The following PCDH15 variants were observed in gnomAD, a reference collection of about 807,000 sequenced individuals.
The protein encoded by PCDH15 is protocadherin related 15, also known as protocadherin-15.
Under a neutral mutation model 178.5 loss-of-function variants are expected in PCDH15, and 129 were observed. The ratio of observed to expected loss-of-function variants is 0.72; its 90% confidence interval spans 0.63 to 0.84. The LOEUF (loss-of-function observed/expected upper bound fraction) is 0.84. Ranked by LOEUF, PCDH15 falls within the 40% of genes least tolerant of loss-of-function variation. The probability of loss-of-function intolerance (pLI) is 0.00; values close to 1 mark genes in which losing one functional copy is unlikely to be tolerated. For synonymous variants in PCDH15, 800 were observed against 732.0 expected (o/e 1.09, Z -1.50); for missense variants, 2,230 against 2,099.9 (o/e 1.06, Z -1.21).
chr10:55,191,726 C>T (rs1455378996), intron 1 of PCDH15, among the ~76,000 whole-genome samples: 2 of 151,814 alleles, frequency 1.3e-5, no homozygotes, highest in Non-Finnish European at 2.9e-5. Flanking sequence ...ACTTGAAACC[C>T]CAGCAAACCC....
chr10:55,064,585 CT>C (rs146259553), intron 2 of PCDH15, among the ~76,000 whole-genome samples: 26 of 151,406 alleles, frequency 1.7e-4, no homozygotes, highest in East Asian at 1.6e-3. Flanking sequence ...TAAAATATAA[CT>C]TTTTTTTTCA....
chr10:55,392,402 A>C (rs1360548779), intron 2 of PCDH15, among the ~76,000 whole-genome samples: 1 of 152,146 alleles, frequency 6.6e-6, no homozygotes, highest in East Asian at 1.9e-4. Context: ...TGTCACAATT[A>C]TTTTTAACTA....
chr10:54,498,509 A>G (rs1259167715), intron 3 of PCDH15, among the ~76,000 whole-genome samples: 1 of 152,158 alleles, frequency 6.6e-6, no homozygotes, highest in Non-Finnish European at 1.5e-5. Context: ...TGGATAAAGA[A>G]GCAAGACCTA....
chr10:55,018,507 T>C (rs966188717), intron 2 of PCDH15, among the ~76,000 whole-genome samples: 1 of 152,118 alleles, frequency 6.6e-6, no homozygotes, highest in Non-Finnish European at 1.5e-5. Flanking sequence ...TTATTGTTTG[T>C]TTTCAAGTAT....
At chr10:54,245,061 A>G (rs527746451) in intron 8 of PCDH15, among the ~76,000 whole-genome samples, 2 of 152,136 alleles carry the variant, frequency 1.3e-5, no homozygotes, top group Non-Finnish European at 2.9e-5. Context: ...CCTTGTTAGC[A>G]GGGACTGTGT....
intron 2 of PCDH15, among the ~76,000 whole-genome samples, chr10:55,328,942 AT>A (rs1416062283): frequency 5.4e-4 from 70 of 129,574 alleles, no homozygotes; most frequent in Non-Finnish European, 9.0e-4. Context: ...ATATATATAT[AT>A]ATATATAAAA....
In PCDH15 at chr10:53,984,122, CT is replaced by C. The variant is rs57184119; in HGVS notation, c.2868+11526del. 2.8e-4 allele frequency among the ~76,000 whole-genome samples: 31 copies of C among 112,666 alleles called. 1 individual carries two copies. In the East Asian group the frequency reaches 3.5e-3, roughly 13 times the overall value. The allele number at this position is 112,666 out of a possible 152,430, so 73.9% of individuals were successfully genotyped here. Reference sequence around the variant, plus strand: ...ACCCTAAACATTTCTAAGTGCTTTTCTTTTTTTTTTTTTCTTTTTTCTTTTC... The same window carrying C: ...ACCCTAAACATTTCTAAGTGCTTTTCTTTTTTTTTTTTCTTTTTTCTTTTC... On this transcript the variant is annotated intron_variant, in intron 21 of 37. Coordinates refer to ENST00000644397, the MANE Select transcript of PCDH15 (RefSeq NM_001384140.1).
intron 8 of PCDH15, among the ~76,000 whole-genome samples, chr10:54,274,054 A>G (rs1408215924): frequency 1.3e-5 from 2 of 152,118 alleles, no homozygotes; most frequent in African/African-American, 4.8e-5. Flanking sequence ...CAAACACTGC[A>G]TGCTCTAACT....
rs1424666245 is a variant in PCDH15 at position 53,806,005 on chromosome 10, T to C, written c.*574A>G. On this transcript the variant is annotated 3_prime_UTR_variant, in exon 38 of 38. Transcript: ENST00000644397. ...TTATGGTAAAATGTGAAAACCTTTA[T>C]ACAGGACAATAAAGAAAGAAAACAA... The C allele has an allele frequency of 6.6e-6, 1 of 152,296 alleles. No individual in the cohort carries two copies. Among genetic ancestry groups the C allele is most frequent in the Non-Finnish European group, 1.5e-5 (1 of 68,480 alleles). 9.4% of individuals were successfully genotyped at this position (152,296 alleles called of 1,614,324 possible).
intron 15 of PCDH15, among the ~76,000 whole-genome samples, chr10:54,097,768 G>GA (rs948492672): frequency 1.3e-5 from 2 of 151,962 alleles, no homozygotes; most frequent in African/African-American, 4.8e-5. Flanking sequence ...AAGAATTTTG[G>GA]AAAAATGAAA....
chr10:53,832,921 T>G (rs1484880562), intron 29 of PCDH15, among the ~76,000 whole-genome samples: 1 of 151,830 alleles, frequency 6.6e-6, no homozygotes, highest in East Asian at 1.9e-4. Flanking sequence ...ATGTGGCAAT[T>G]AGAATGCTTT....
At chr10:54,779,401 T>G (rs1474476651) in intron 1 of PCDH15, among the ~76,000 whole-genome samples, 1 of 76,684 alleles carries the variant, frequency 1.3e-5, no homozygotes, top group South Asian at 6.3e-4. Context: ...TCTCTATATA[T>G]ATATGTATAT....
At chr10:54,167,082 T>A (rs1034957237) in intron 13 of PCDH15, among the ~76,000 whole-genome samples, 3 of 152,174 alleles carry the variant, frequency 2.0e-5, no homozygotes, top group Non-Finnish European at 4.4e-5. Context: ...GCCATGTTGC[T>A]CACACAAAGC....
chr10:54,783,278 CA>C (rs1037758735), intron 1 of PCDH15, among the ~76,000 whole-genome samples: 2 of 151,854 alleles, frequency 1.3e-5, no homozygotes, highest in African/African-American at 4.8e-5. Flanking sequence ...AGATAGGTAT[CA>C]TGAGAAAAAA....
Position 54,779,466 on chromosome 10 carries a change from A to G in PCDH15, c.-29+21459T>C, listed in dbSNP as rs1345012817. 5.3e-5 allele frequency among the ~76,000 whole-genome samples: 5 copies of G among 94,544 alleles called. 1 individual carries two copies. The highest frequency in any genetic ancestry group is 1.5e-4 in the African/African-American group (4 of 25,934). 62.0% of individuals were successfully genotyped at this position (94,544 alleles called of 152,430 possible). On this transcript the variant is annotated intron_variant, in intron 1 of 37. Coordinates refer to ENST00000644397, the MANE Select transcript of PCDH15 (RefSeq NM_001384140.1). ...TATATATACACTCATATATGTGTGT[A>G]TATATATACACACATATATATGTAT...
Position 55,409,245 on chromosome 10 carries a change from C to T in PCDH15, c.-156+218380G>A, listed in dbSNP as rs1000342594. 2.0e-5 allele frequency among the ~76,000 whole-genome samples: 3 copies of T among 152,116 alleles called. No homozygotes were observed. In the East Asian group the frequency reaches 5.8e-4, roughly 29 times the overall value. The stretch of plus-strand genomic sequence containing the variant: ...CAGATTTCACATTGCCCCGGTAGCA[C>T]CCCTAGTGAACCCACCAAACCTGCT... On this transcript the variant is annotated intron_variant, in intron 2 of 5. Transcript: ENST00000613346.
At chr10:54,931,053 T>C (rs1038535115) in intron 2 of PCDH15, among the ~76,000 whole-genome samples, 11 of 152,208 alleles carry the variant, frequency 7.2e-5, no homozygotes, top group African/African-American at 9.6e-5. Context: ...TGGAGTATTT[T>C]ACTTTCAAAC....
intron 1 of PCDH15, among the ~76,000 whole-genome samples, chr10:54,750,338 C>G (rs1407091607): frequency 6.6e-6 from 1 of 151,896 alleles, no homozygotes; most frequent in Admixed American, 6.6e-5. Context: ...AAGAGTTAAA[C>G]AGTAAATAAT....
At chr10:55,175,125 TG>T (rs1468760260) in intron 1 of PCDH15, among the ~76,000 whole-genome samples, 2 of 152,074 alleles carry the variant, frequency 1.3e-5, no homozygotes, top group Admixed American at 1.3e-4. Context: ...GGACCCTAAA[TG>T]GGACCCCAAA....
Sources: gnomAD v4.1 joint callset for allele counts (sites outside exome capture counted in the v4.1 genomes callset) on GRCh38, gnomAD v4.1.1 for gene constraint, MANE v1.5 for transcripts, NCBI Gene and HGNC (gene_info 2026-07-23, HGNC 2026-07-21) for gene names.